RALYL: variants seen among roughly 807,000 people sequenced by gnomAD.
RALYL encodes the protein RALY RNA binding protein like.
A neutral mutation model predicts 35.1 loss-of-function variants in RALYL; 29 were observed. That is an observed-to-expected ratio of 0.83 (90% CI 0.61 to 1.13). RALYL has a LOEUF of 1.13. Ranked by LOEUF, RALYL falls within the 50% of genes most tolerant of loss-of-function variation. The pLI is 0.00. For missense variants in RALYL, 359 were observed against 360.4 expected (o/e 1.00, Z 0.03); for synonymous variants, 120 against 127.6 (o/e 0.94, Z 0.40).
intron 1 of RALYL, among the ~76,000 whole-genome samples, chr8:84,238,712 T>C (rs1304118190): frequency 1.3e-5 from 2 of 151,716 alleles, no homozygotes; most frequent in Non-Finnish European, 2.9e-5. Context: ...AGTGGTAGGG[T>C]ATGAGAGAGG....
At chr8:84,788,352 C>A (rs150173419) in intron 3 of RALYL, among the ~76,000 whole-genome samples, 1 of 151,976 alleles carries the variant, frequency 6.6e-6, no homozygotes, top group African/African-American at 2.4e-5. Context: ...TAAATGACGT[C>A]GAGAAAACTG....
intron 1 of RALYL, among the ~76,000 whole-genome samples, chr8:84,490,980 G>A (rs1466110390): frequency 6.6e-6 from 1 of 151,846 alleles, no homozygotes; most frequent in Non-Finnish European, 1.5e-5. Context: ...TTTTTAAGCA[G>A]AGTTGAAGAC....
Position 84,481,425 on chromosome 8 carries a change from G to A in RALYL, c.-23-47874G>A, listed in dbSNP as rs553589347. On this transcript the variant is annotated intron_variant, in intron 1 of 8. Transcript: ENST00000521268. ...GCTCACTGCAGCCTCAAATTCTTGG[G>A]CTCAGGTGATCCTAATAATTCAGCT... 1.1e-4 allele frequency among the ~76,000 whole-genome samples: 17 copies of A among 152,210 alleles called. No individual in the cohort carries two copies. In the South Asian group the frequency reaches 3.5e-3, roughly 32 times the overall value.
intron 1 of RALYL, among the ~76,000 whole-genome samples, chr8:84,267,505 A>G (rs1340284413): frequency 1.3e-5 from 2 of 152,184 alleles, no homozygotes; most frequent in Non-Finnish European, 2.9e-5. Flanking sequence ...TGCTGTATTC[A>G]TAACGGTGCA....
chr8:84,556,807 C>T (rs1274890696), intron 2 of RALYL, among the ~76,000 whole-genome samples: 2 of 152,134 alleles, frequency 1.3e-5, no homozygotes, highest in Non-Finnish European at 2.9e-5. Flanking sequence ...AAGAGCTGCT[C>T]TTTCAGCCTG....
chr8:84,225,274 G>T (rs1409161998), intron 1 of RALYL, among the ~76,000 whole-genome samples: 3 of 152,100 alleles, frequency 2.0e-5, no homozygotes, highest in African/African-American at 4.8e-5. Context: ...TAGATTAGTT[G>T]AAATAGTCTC....
At position 84,228,331 on chromosome 8, in the gene RALYL, C is replaced by T. The variant is rs1824478262; in HGVS notation, c.-24+43907C>T. 3.9e-5 allele frequency among the ~76,000 whole-genome samples: 6 copies of T among 152,010 alleles called. No individual in the cohort carries two copies. In the South Asian group the frequency reaches 1.2e-3, roughly 31 times the overall value. On this transcript the variant is annotated intron_variant, in intron 1 of 8. Transcript: ENST00000521268. ...ATAGACTTTCAAGTGTGTGAGAGAG[C>T]ACATACAAAATTACTACCATAGAAG... is the stretch of plus-strand genomic sequence containing the variant.
In RALYL at chr8:84,470,469, T is replaced by G. The variant is rs1176296861; in HGVS notation, c.-23-58830T>G. Among the ~76,000 whole-genome samples the G allele has an allele frequency of 8.0e-5, 5 of 62,398 alleles. No individual in the cohort carries two copies. The South Asian group carries it at 2.8e-3, about 35-fold the overall frequency. The allele number at this position is 62,398 out of a possible 152,430, so 40.9% of individuals were successfully genotyped here. ...GCCAAGGTGTGACTGATTGTATGGG[T>G]TTTTTTTTTTTCTGTTGCCAAAAAA... On this transcript the variant is annotated intron_variant, in intron 1 of 8. Transcript: ENST00000521268.
intron 1 of RALYL, among the ~76,000 whole-genome samples, chr8:84,488,152 A>G (rs2133989571): frequency 6.6e-6 from 1 of 152,212 alleles, no homozygotes; most frequent in Non-Finnish European, 1.5e-5. Context: ...TTTTCATGGT[A>G]CAAATATTTC....
intron 2 of RALYL, among the ~76,000 whole-genome samples, chr8:84,700,324 T>A (rs569594484): frequency 6.6e-6 from 1 of 152,040 alleles, no homozygotes; most frequent in African/African-American, 2.4e-5. Context: ...TATTTCAGAA[T>A]CATAATAATT....
intron 4 of RALYL, among the ~76,000 whole-genome samples, chr8:84,840,340 G>T (rs183081006): frequency 3.5e-4 from 53 of 152,292 alleles, no homozygotes; most frequent in South Asian, 8.3e-4. Context: ...CTCAGTAGCC[G>T]ATTTGATCAA....
Position 84,598,079 on chromosome 8 carries a change from T to C in RALYL, c.256+68502T>C, listed in dbSNP as rs551522267. Among the ~76,000 whole-genome samples, 9 of 152,274 alleles carry C rather than the reference T, an allele frequency of 5.9e-5. No individual in the cohort carries two copies. In the South Asian group the frequency reaches 1.7e-3, roughly 28 times the overall value. The stretch of plus-strand genomic sequence containing the variant: ...CCTCACCCTTGTTTATACTGTTGCC[T>C]TGCACTAGATTGTTCTGCTCTGCCT... On this transcript the variant is annotated intron_variant, in intron 2 of 8. Transcript: ENST00000521268.
chr8:84,466,102 A>G (rs1428245015), intron 1 of RALYL, among the ~76,000 whole-genome samples: 1 of 99,210 alleles, frequency 1.0e-5, no homozygotes, highest in Non-Finnish European at 2.1e-5. Flanking sequence ...GGACAATTTG[A>G]CTTCCTCTTT....
intron 1 of RALYL, among the ~76,000 whole-genome samples, chr8:84,522,671 A>G (rs895677461): frequency 2.0e-5 from 3 of 152,160 alleles, no homozygotes; most frequent in Admixed American, 1.3e-4. Flanking sequence ...TTTAGTTTGT[A>G]TTTATTGCAG....
intron 2 of RALYL, among the ~76,000 whole-genome samples, chr8:84,772,188 CGT>C (rs1815706966): frequency 6.6e-6 from 1 of 151,958 alleles, no homozygotes; most frequent in Admixed American, 6.6e-5. Context: ...GTCATATATA[CGT>C]GTGTGTATTT....
intron 5 of RALYL, among the ~76,000 whole-genome samples, chr8:84,853,721 T>C (rs988933176): frequency 6.6e-6 from 1 of 152,120 alleles, no homozygotes; most frequent in Non-Finnish European, 1.5e-5. Context: ...CCTATAAACA[T>C]AGAATACCAT....
intron 1 of RALYL, among the ~76,000 whole-genome samples, chr8:84,321,120 T>G (rs577348942): frequency 8.9e-4 from 135 of 151,976 alleles, no homozygotes; most frequent in Non-Finnish European, 1.4e-3. Flanking sequence ...GAAACGGAAG[T>G]GAATAGAAGA....
At chr8:84,662,851 C>G (rs1239704235) in intron 2 of RALYL, among the ~76,000 whole-genome samples, 1 of 151,956 alleles carries the variant, frequency 6.6e-6, no homozygotes, top group Non-Finnish European at 1.5e-5. Context: ...CTTTTAAGTT[C>G]AGGGATACAT....
chr8:84,209,458 A>G (rs1030149356), intron 1 of RALYL, among the ~76,000 whole-genome samples: 3 of 152,178 alleles, frequency 2.0e-5, no homozygotes, highest in African/African-American at 7.2e-5. Context: ...TTGGAAAGAA[A>G]ATGGGGATGG....
Sources: allele counts gnomAD v4.1 joint callset (sites outside exome capture counted in the v4.1 genomes callset), GRCh38; gene constraint gnomAD v4.1.1; transcripts MANE v1.5; gene names NCBI Gene and HGNC (gene_info 2026-07-23, HGNC 2026-07-21).